MEGF10: variants seen among roughly 807,000 people sequenced by gnomAD.
MEGF10 encodes multiple epidermal growth factor-like domains protein 10.
In MEGF10, 86 loss-of-function variants were observed where a neutral mutation model predicts 147.5. That is an observed-to-expected ratio of 0.58 (90% CI 0.49 to 0.70). The LOEUF (loss-of-function observed/expected upper bound fraction) is 0.70, where lower values mean the gene tolerates loss of function less well. Ranked by LOEUF, MEGF10 falls within the 30% of genes least tolerant of loss-of-function variation. The pLI, the probability that MEGF10 is intolerant of heterozygous loss-of-function variation, is 0.00. For missense variants in MEGF10, 1,329 were observed against 1,487.3 expected (o/e 0.89, Z 1.75); for synonymous variants, 478 against 525.5 (o/e 0.91, Z 1.24).
chr5:127,383,117 A>G (rs538508076), intron 5 of MEGF10, among the ~76,000 whole-genome samples: 1 of 152,276 alleles, frequency 6.6e-6, no homozygotes, highest in South Asian at 2.1e-4. Flanking sequence ...TTGTTTATAT[A>G]TTTTGTGGAA....
chr5:127,424,158 C>A (rs1167386821), intron 13 of MEGF10, among the ~76,000 whole-genome samples: 1 of 152,078 alleles, frequency 6.6e-6, no homozygotes, highest in African/African-American at 2.4e-5. Flanking sequence ...GTCTTGATAC[C>A]CTTTTTAAAA....
chr5:127,252,161 A>G, the MEGF10 span, among the ~76,000 whole-genome samples: 2 of 151,936 alleles, frequency 1.3e-5, no homozygotes, highest in African/African-American at 2.4e-5. Context: ...ATGATACCTT[A>G]TTGGTAGGAG....
At chr5:127,385,162 T>C (rs1298150119) in intron 5 of MEGF10, among the ~76,000 whole-genome samples, 1 of 152,248 alleles carries the variant, frequency 6.6e-6, no homozygotes, top group African/African-American at 2.4e-5. Flanking sequence ...TAAATTTTCT[T>C]CTCTATTAAT....
intron 16 of MEGF10, among the ~76,000 whole-genome samples, chr5:127,436,622 A>G (rs1317672097): frequency 1.3e-5 from 2 of 152,238 alleles, no homozygotes. Context: ...TCCTTTAAAA[A>G]GTAGTCTTTA....
At chr5:127,354,887 G>C (rs1486348057) in intron 4 of MEGF10, among the ~76,000 whole-genome samples, 1 of 152,322 alleles carries the variant, frequency 6.6e-6, no homozygotes, top group South Asian at 2.1e-4. Context: ...TCAGCCACAG[G>C]GGGGTCTGAT....
At chr5:127,386,022 C>T (rs1162932311) in intron 5 of MEGF10, among the ~76,000 whole-genome samples, 6 of 152,100 alleles carry the variant, frequency 3.9e-5, no homozygotes, top group African/African-American at 9.7e-5. Flanking sequence ...GTGGGAGGAT[C>T]GATCAAGCCC....
At chr5:127,374,203 G>A (rs1178627690) in intron 5 of MEGF10, among the ~76,000 whole-genome samples, 4 of 152,226 alleles carry the variant, frequency 2.6e-5, no homozygotes, top group South Asian at 4.1e-4. Context: ...TTGGCACTGC[G>A]CTTACATTGC....
intron 1 of MEGF10, among the ~76,000 whole-genome samples, chr5:127,295,204 G>C (rs1759441622): frequency 6.6e-6 from 1 of 152,096 alleles, no homozygotes; most frequent in African/African-American, 2.4e-5. Context: ...CATATTATAG[G>C]GGATTCTGGC....
intron 7 of MEGF10, among the ~76,000 whole-genome samples, chr5:127,401,932 T>G (rs1193948124): frequency 1.3e-5 from 2 of 152,234 alleles, no homozygotes; most frequent in African/African-American, 4.8e-5. Context: ...TTGTTGAATC[T>G]GCTGAAAATA....
At chr5:127,419,288 T>G (rs1490054544) in intron 11 of MEGF10, 48 bp downstream of exon 11, 1 of 1,572,510 alleles carries the variant, frequency 6.4e-7, no homozygotes, top group Non-Finnish European at 8.6e-7. Context: ...TCACGTTATC[T>G]CCTAAAGACA....
At chr5:127,439,011 G>A (rs1765656143) in intron 17 of MEGF10, among the ~76,000 whole-genome samples, 1 of 152,168 alleles carries the variant, frequency 6.6e-6, no homozygotes, top group African/African-American at 2.4e-5. Flanking sequence ...TCACCTGGAG[G>A]ACACAACAAA....
chr5:127,443,152 G>A (rs751531981), intron 19 of MEGF10, 26 bp downstream of exon 19: 2 of 1,604,832 alleles, frequency 1.2e-6, no homozygotes, highest in Admixed American at 1.7e-5. Context: ...AATGTTTGTA[G>A]CACTGCAGTA....
At position 127,454,558 on chromosome 5, in the gene MEGF10, T is replaced by C; in HGVS notation, c.2981-8T>C. On this transcript the variant is annotated splice_region_variant and splice_polypyrimidine_tract_variant and intron_variant, in intron 22 of 24. Coordinates refer to ENST00000503335, the MANE Select transcript of MEGF10 (RefSeq NM_001256545.2). ...TCACTGGGTGTTTTTTTTCTTCCTT[T>C]ATTACAGGTGCTTTTGGACTTGACA... The C allele has an allele frequency of 1.2e-6, 2 of 1,607,354 alleles. No individual in the cohort carries two copies. The highest frequency in any genetic ancestry group is 1.7e-6 in the Non-Finnish European group (2 of 1,178,144).
intron 13 of MEGF10, among the ~76,000 whole-genome samples, chr5:127,431,327 C>A (rs1344819664): frequency 1.3e-5 from 2 of 152,092 alleles, no homozygotes; most frequent in South Asian, 2.1e-4. Context: ...ATCATGATAA[C>A]CTATGATATA....
intron 13 of MEGF10, among the ~76,000 whole-genome samples, chr5:127,428,203 G>T (rs1765271378): frequency 9.5e-6 from 1 of 105,546 alleles, no homozygotes; most frequent in Non-Finnish European, 1.8e-5. Flanking sequence ...TGATTTATAT[G>T]ACTTATTAAG....
rs147987457 is a variant in MEGF10, at chr5:127,454,427, A to G, written c.2981-139A>G. On this transcript the variant is annotated intron_variant, in intron 22 of 24. Coordinates refer to ENST00000503335, the MANE Select transcript of MEGF10 (RefSeq NM_001256545.2). The stretch of plus-strand genomic sequence containing the variant: ...GCACTGGGGACATCTGGGACAACTG[A>G]TCTGGTGTAAAGGCTTGAAGAGCAG... 182 of 618,586 alleles carry G rather than the reference A, an allele frequency of 2.9e-4. 1 individual carries two copies. Among genetic ancestry groups the G allele is most frequent in the Non-Finnish European group, 4.3e-4 (156 of 360,244 alleles). 38.3% of individuals were successfully genotyped at this position (618,586 alleles called of 1,614,324 possible). A position where few individuals can be genotyped will look rare whatever the true frequency, so the allele number is the denominator to read the frequency against.
At chr5:127,284,282 C>T in the MEGF10 span, among the ~76,000 whole-genome samples, 2 of 152,118 alleles carry the variant, frequency 1.3e-5, no homozygotes, top group Non-Finnish European at 2.9e-5. Context: ...TGGCTGAGAC[C>T]TATGGCTAAA....
At chr5:127,260,368 G>A in the MEGF10 span, among the ~76,000 whole-genome samples, 4 of 152,058 alleles carry the variant, frequency 2.6e-5, no homozygotes, top group African/African-American at 9.7e-5. Flanking sequence ...TAGGTGTAAG[G>A]AGAAAATAGG....
At position 127,445,353 on chromosome 5, in the gene MEGF10, TG is replaced by T. The variant is rs1765903920; in HGVS notation, c.2492-103del. On this transcript the variant is annotated intron_variant, in intron 19 of 24. Transcript: ENST00000503335. Reference sequence around the variant, plus strand: ...GTTTCCAAATTAATGTTTTATGAACTGAAAATATGCAGGCATTAGCACAGAA... The same window carrying T: ...GTTTCCAAATTAATGTTTTATGAACTAAAATATGCAGGCATTAGCACAGAA... 1.5e-5 allele frequency: 12 copies of T among 807,520 alleles called. No homozygotes were observed. The South Asian group carries it at 1.9e-4, about 13-fold the overall frequency. 50.0% of individuals were successfully genotyped at this position (807,520 alleles called of 1,614,324 possible). A position where few individuals can be genotyped will look rare whatever the true frequency, so the allele number is the denominator to read the frequency against.
Sources: gnomAD v4.1 joint callset for allele counts (sites outside exome capture counted in the v4.1 genomes callset) on GRCh38, gnomAD v4.1.1 for gene constraint, MANE v1.5 for transcripts, NCBI Gene and HGNC (gene_info 2026-07-23, HGNC 2026-07-21) for gene names.